The following ZFHX3 variants were observed in gnomAD, a reference collection of about 807,000 sequenced individuals.
The protein encoded by ZFHX3 is zinc finger homeobox protein 3.
A neutral mutation model predicts 279.1 loss-of-function variants in ZFHX3; 42 were observed. The ratio of observed to expected loss-of-function variants is 0.15; its 90% CI spans 0.12 to 0.19. The LOEUF is 0.19. Ranked by LOEUF, ZFHX3 falls within the 10% of genes least tolerant of loss-of-function variation. The pLI, the probability that ZFHX3 is intolerant of heterozygous loss-of-function variation, is 1.00. For synonymous variants in ZFHX3, 2,293 were observed against 1,957.8 expected, an observed-to-expected ratio of 1.17 and a Z score of -4.52; for missense variants, 4,981 against 4,754.0, an observed-to-expected ratio of 1.05 and a Z score of -1.40.
intron 3 of ZFHX3, chr16:73,420,574 C>A (rs1334255515): frequency 6.6e-6 from 1 of 152,232 alleles, no homozygotes; most frequent in Non-Finnish European, 1.5e-5. Flanking sequence ...GACGGAATAA[C>A]CCTGCTTTGT....
intron 4 of ZFHX3, among the ~76,000 whole-genome samples, chr16:73,262,720 C>G (rs1006061915): frequency 1.3e-5 from 2 of 152,116 alleles, no homozygotes; most frequent in African/African-American, 2.4e-5. Context: ...TTTCTCTACC[C>G]CTTTAACGTA....
chr16:73,331,177 C>T (rs573988737), intron 3 of ZFHX3, among the ~76,000 whole-genome samples: 13 of 152,250 alleles, frequency 8.5e-5, no homozygotes, highest in South Asian at 6.2e-4. Context: ...CAGAGTGAAG[C>T]GGGGAAAGCC....
chr16:73,482,557 T>C (rs1258705457), intron 2 of ZFHX3, among the ~76,000 whole-genome samples: 1 of 152,192 alleles, frequency 6.6e-6, no homozygotes, highest in African/African-American at 2.4e-5. Context: ...CTCCAGGCTG[T>C]GTAGGGCTTT....
chr16:73,666,912 T>C (rs1472569281), intron 2 of ZFHX3, among the ~76,000 whole-genome samples: 1 of 151,996 alleles, frequency 6.6e-6, no homozygotes, highest in Non-Finnish European at 1.5e-5. Flanking sequence ...GCCTATGGGA[T>C]TCATCCACGT....
chr16:73,227,140 G>C (rs375377369), intron 5 of ZFHX3, among the ~76,000 whole-genome samples: 3 of 152,232 alleles, frequency 2.0e-5, no homozygotes, highest in African/African-American at 7.2e-5. Context: ...ATTTCCAAAA[G>C]CACTTAGCAT....
intron 1 of ZFHX3, among the ~76,000 whole-genome samples, chr16:73,799,023 G>A (rs1011626748): frequency 4.6e-5 from 7 of 152,140 alleles, no homozygotes; most frequent in Admixed American, 3.3e-4. Flanking sequence ...AGCACTAAAT[G>A]TCATCAAAGC....
intron 4 of ZFHX3, among the ~76,000 whole-genome samples, chr16:72,877,169 C>A (rs916890073): frequency 6.6e-6 from 1 of 152,092 alleles, no homozygotes; most frequent in African/African-American, 2.4e-5. Context: ...TCAGATCCGC[C>A]CAGGGTCTGG....
intron 1 of ZFHX3, among the ~76,000 whole-genome samples, chr16:73,854,945 T>A (rs1404023462): frequency 6.6e-6 from 1 of 151,924 alleles, no homozygotes; most frequent in Non-Finnish European, 1.5e-5. Flanking sequence ...TATGTTGTTA[T>A]TACATAAACC....
chr16:73,018,042 G>A (rs1964167217), intron 1 of ZFHX3, among the ~76,000 whole-genome samples: 1 of 150,534 alleles, frequency 6.6e-6, no homozygotes, highest in Non-Finnish European at 1.5e-5. Context: ...CTGGAGTCCA[G>A]TGGCACGATC....
intron 7 of ZFHX3, among the ~76,000 whole-genome samples, chr16:73,107,591 G>A (rs1286960878): frequency 6.6e-6 from 1 of 152,184 alleles, no homozygotes; most frequent in African/African-American, 2.4e-5. Flanking sequence ...TCCTGTGCCT[G>A]GAACAAACCT....
intron 1 of ZFHX3, among the ~76,000 whole-genome samples, chr16:73,768,024 C>T (rs981406599): frequency 9.2e-5 from 14 of 152,274 alleles, no homozygotes; most frequent in Non-Finnish European, 1.8e-4. Context: ...ATTCCTACAA[C>T]CTTAGAAGAG....
intron 1 of ZFHX3, among the ~76,000 whole-genome samples, chr16:73,853,491 C>T (rs1354031361): frequency 6.6e-6 from 1 of 151,978 alleles, no homozygotes; most frequent in East Asian, 1.9e-4. Context: ...TGGAATACTA[C>T]AGAGCCATAA....
intron 5 of ZFHX3, among the ~76,000 whole-genome samples, chr16:73,189,640 C>T (rs984414709): frequency 1.3e-5 from 2 of 152,182 alleles, no homozygotes; most frequent in African/African-American, 4.8e-5. Context: ...CCACTTTAGG[C>T]TGGATGTGGT....
intron 2 of ZFHX3, among the ~76,000 whole-genome samples, chr16:73,515,352 G>C (rs1457818576): frequency 6.6e-6 from 1 of 152,136 alleles, no homozygotes; most frequent in African/African-American, 2.4e-5. Flanking sequence ...TATGTAAAGG[G>C]ATCCCTTAGT....
intron 4 of ZFHX3, among the ~76,000 whole-genome samples, chr16:72,849,860 C>CAAAAAAAAAAAAAAAAA (rs542156633): frequency 3.5e-5 from 2 of 56,552 alleles, no homozygotes; most frequent in Non-Finnish European, 5.9e-5. Flanking sequence ...GTTCACCTAC[C>CAAAAAAAAAAAAAAAAA]AAAAAAAAAA....
At chr16:73,039,326 G>C (rs986507643) in intron 1 of ZFHX3, among the ~76,000 whole-genome samples, 23 of 152,146 alleles carry the variant, frequency 1.5e-4, no homozygotes, top group Non-Finnish European at 2.4e-4. Flanking sequence ...TCTGGTATCA[G>C]GTGGAATCAC....
chr16:72,880,971 C>T (rs943743970), intron 4 of ZFHX3, among the ~76,000 whole-genome samples: 1 of 152,196 alleles, frequency 6.6e-6, no homozygotes, highest in Non-Finnish European at 1.5e-5. Flanking sequence ...AACTGTGAAA[C>T]AGAGAGAAAG....
intron 1 of ZFHX3, among the ~76,000 whole-genome samples, chr16:73,797,368 T>A (rs1366597571): frequency 2.0e-5 from 3 of 152,194 alleles, no homozygotes; most frequent in African/African-American, 7.2e-5. Context: ...CCTGACCTGC[T>A]CCTGTAGGGC....
At chr16:73,110,950 T>G (rs1030536753) in intron 7 of ZFHX3, among the ~76,000 whole-genome samples, 3 of 151,480 alleles carry the variant, frequency 2.0e-5, no homozygotes, top group African/African-American at 4.9e-5. Flanking sequence ...TGATTTTATG[T>G]TTTTTTTTGA....
Sources: allele counts gnomAD v4.1 joint callset (sites outside exome capture counted in the v4.1 genomes callset), GRCh38; gene constraint gnomAD v4.1.1; transcripts MANE v1.5; gene names NCBI Gene and HGNC (gene_info 2026-07-23, HGNC 2026-07-21).